The following ITGAE variants were observed in gnomAD, a reference collection of about 807,000 sequenced individuals.
ITGAE encodes the protein integrin alpha-E.
ITGAE carries 99 observed loss-of-function variants against 136.5 expected under a neutral mutation model. The ratio of observed to expected loss-of-function variants is 0.73; its 90% CI spans 0.62 to 0.86. ITGAE has a LOEUF of 0.86. Ranked by LOEUF, ITGAE falls within the 40% of genes least tolerant of loss-of-function variation. ITGAE has a pLI of 0.00. For missense variants in ITGAE, 1,447 were observed against 1,515.3 expected, an observed-to-expected ratio of 0.95 and a Z score of 0.75; for synonymous variants, 613 against 591.8, an observed-to-expected ratio of 1.04 and a Z score of -0.52.
chr17:3,752,697 G>A (rs540410629), intron 14 of ITGAE, among the ~76,000 whole-genome samples: 50 of 151,212 alleles, frequency 3.3e-4, no homozygotes, highest in African/African-American at 9.5e-4. Flanking sequence ...GTTGCAGTAA[G>A]TTGAGATTGC....
chr17:3,773,972 T>C (rs1244075837), intron 2 of ITGAE, among the ~76,000 whole-genome samples: 1 of 152,270 alleles, frequency 6.6e-6, no homozygotes, highest in African/African-American at 2.4e-5. Context: ...ATTTGTTATA[T>C]TGTAAAATAT....
At chr17:3,796,066 CGT>C (rs552611991) in intron 1 of ITGAE, among the ~76,000 whole-genome samples, 82 of 101,754 alleles carry the variant, frequency 8.1e-4, no homozygotes, top group African/African-American at 2.1e-3. Context: ...TGTGTGCATC[CGT>C]GTTTGTGCAT....
At chr17:3,724,975 A>G (rs1220651883) in intron 26 of ITGAE, 1 of 1,614,186 alleles carries the variant, frequency 6.2e-7, no homozygotes, top group Non-Finnish European at 8.5e-7. Flanking sequence ...GAGGCAACGG[A>G]AACCTCTCTC....
At chr17:3,771,492 G>A (rs1016946717) in intron 2 of ITGAE, among the ~76,000 whole-genome samples, 1 of 151,920 alleles carries the variant, frequency 6.6e-6, no homozygotes, top group African/African-American at 2.4e-5. Flanking sequence ...TCACTCTGCG[G>A]ATGTTCACTG....
At chr17:3,724,089 G>GCCAGCATCGGCGACC in intron 26 of ITGAE, 1 of 1,595,472 alleles carries the variant, frequency 6.3e-7, no homozygotes, top group South Asian at 1.1e-5. Flanking sequence ...CAGCAGCGAC[G>GCCAGCATCGGCGACC]CCAGCATCGG....
chr17:3,750,252 G>C (rs1567531279), intron 16 of ITGAE, 100 bp downstream of exon 16: 1 of 1,496,354 alleles, frequency 6.7e-7, no homozygotes, highest in Non-Finnish European at 9.0e-7. Context: ...CACGGTGCTG[G>C]CTCCCTCCCT....
chr17:3,749,985 C>T (rs1287079051), intron 16 of ITGAE, among the ~76,000 whole-genome samples: 2 of 152,060 alleles, frequency 1.3e-5, no homozygotes, highest in East Asian at 3.9e-4. Context: ...CACTGCACTC[C>T]AGCCTGGGCA....
chr17:3,739,252 C>T (rs967768695), intron 20 of ITGAE, among the ~76,000 whole-genome samples: 2 of 152,180 alleles, frequency 1.3e-5, no homozygotes, highest in African/African-American at 4.8e-5. Flanking sequence ...TCCTTCCCAC[C>T]TTCCCTGTGT....
chr17:3,777,466 C>G, intron 2 of ITGAE, 74 bp downstream of exon 2: 2 of 1,520,742 alleles, frequency 1.3e-6, no homozygotes, highest in African/African-American at 1.4e-5. Context: ...CTGCCATGGC[C>G]GTCTCTGGGG....
intron 26 of ITGAE, chr17:3,725,204 G>C: frequency 6.2e-7 from 1 of 1,614,116 alleles, no homozygotes; most frequent in African/African-American, 1.3e-5. Flanking sequence ...GTTCAAACCG[G>C]CCTGTCATGA....
At position 3,761,156 on chromosome 17, in the gene ITGAE, G is replaced by A. The variant is rs769853383; in HGVS notation, c.455C>T (p.Ala152Val). 1.2e-6 allele frequency: 2 copies of A among 1,610,394 alleles called. No homozygotes were observed. Among genetic ancestry groups the A allele is most frequent in the Non-Finnish European group, 8.5e-7 (1 of 1,178,900 alleles). The change falls in exon 6 of 31, where the codon GCA (alanine) becomes GTA (valine). Residue 152 changes from alanine (A) to valine (V), a missense_variant. Around this residue, in one of 3 missense-constraint regions of ITGAE, gnomAD observed 310 missense variants for 416.1 expected, o/e 0.74. Coordinates refer to ENST00000263087, the MANE Select transcript of ITGAE (RefSeq NM_002208.5). ...FDLENLLDPD[A>V]RVDTGDCYSN... ...GTAGCAGTCTCCAGTGTCCACACGTGCATCTGGATCCAGGAGATTTTCTTT... is the reference window on the plus strand; with the variant it reads ...GTAGCAGTCTCCAGTGTCCACACGTACATCTGGATCCAGGAGATTTTCTTT...
Position 3,732,387 on chromosome 17 carries a change from G to A in ITGAE, c.2735C>T (p.Pro912Leu). 1.2e-6 allele frequency: 2 copies of A among 1,613,996 alleles called. No homozygotes were observed. The highest frequency in any genetic ancestry group is 1.3e-5 in the African/African-American group (1 of 75,020). Reference sequence around the variant, plus strand: ...ACTCACAGATGACCTCTTGAGGACGGGGTGACCAATCCTGCAGTTCATGAT... The same window carrying A: ...ACTCACAGATGACCTCTTGAGGACGAGGTGACCAATCCTGCAGTTCATGAT... The part of the protein sequence containing the change: ...VLIMNCRIGH[P>L]VLKRSSAHVS... Residue 912 changes from proline (P) to leucine (L), a missense_variant, in exon 22 of 31, where the codon CCC becomes CTC. By Grantham distance (98) the Pro-to-Leu change is moderately conservative (BLOSUM62 -3). This residue lies in a region of ITGAE where 1,031 missense variants were observed against 1,011.4 expected (regional missense o/e 1.02). Coordinates refer to ENST00000263087, the MANE Select transcript of ITGAE (RefSeq NM_002208.5).
chr17:3,769,528 T>C (rs1416441795), intron 2 of ITGAE, among the ~76,000 whole-genome samples: 1 of 152,216 alleles, frequency 6.6e-6, no homozygotes, highest in East Asian at 1.9e-4. Flanking sequence ...TGCAGGTTTG[T>C]TGACCACGTG....
At chr17:3,725,884 T>TA (rs1220412958) in intron 26 of ITGAE, 16 of 1,612,358 alleles carry the variant, frequency 9.9e-6, no homozygotes, top group Non-Finnish European at 1.4e-5. Flanking sequence ...CACCGAGACT[T>TA]ACACTGGGGG....
intron 1 of ITGAE, among the ~76,000 whole-genome samples, chr17:3,800,012 G>C (rs752334032): frequency 5.9e-5 from 9 of 152,120 alleles, no homozygotes; most frequent in Non-Finnish European, 1.2e-4. Context: ...CCAGCTACTC[G>C]GGAGGCTGAG....
intron 18 of ITGAE, among the ~76,000 whole-genome samples, 183 bp downstream of exon 18, chr17:3,745,581 A>G (rs2143016412): frequency 6.6e-6 from 1 of 152,220 alleles, no homozygotes; most frequent in South Asian, 2.1e-4. Context: ...ACCTCAAGTG[A>G]TCCCCCCGCC....
chr17:3,799,971 T>C lies in ITGAE; in HGVS notation c.34+1140A>G, dbSNP rs6502748. 0.49 allele frequency among the ~76,000 whole-genome samples: 74,614 copies of C among 151,744 alleles called. 20,359 individuals carry two copies. The highest frequency in any genetic ancestry group is 0.71 in the African/African-American group (29,421 of 41,380). On this transcript the variant is annotated intron_variant, in intron 1 of 30. Transcript: ENST00000263087. This position sits in a 1 kb window ranked among gnomAD's most constrained non-coding sequence, Gnocchi z 4.1. ...CTGTCTCTACTAAAAATACAAAAAT[T>C]AGCCAGGCGTGGTGGCAGGCGCCTG...
At chr17:3,779,881 T>C (rs1279111920) in intron 1 of ITGAE, among the ~76,000 whole-genome samples, 1 of 152,240 alleles carries the variant, frequency 6.6e-6, no homozygotes, top group African/African-American at 2.4e-5. Context: ...AACGACAGCA[T>C]GGGAGAAGGT....
intron 1 of ITGAE, among the ~76,000 whole-genome samples, chr17:3,784,085 C>T (rs1388662707): frequency 6.6e-6 from 1 of 151,992 alleles, no homozygotes; most frequent in East Asian, 1.9e-4. Flanking sequence ...ACGGTGAAAC[C>T]CCGTCTCTAC....
Sources: allele counts gnomAD v4.1 joint callset (sites outside exome capture counted in the v4.1 genomes callset), GRCh38; gene constraint gnomAD v4.1.1; regional missense constraint gnomAD v4.1.1; non-coding constraint Gnocchi (gnomAD v3.1); transcripts MANE v1.5; gene names NCBI Gene and HGNC (gene_info 2026-07-23, HGNC 2026-07-21).